KCNIP4: variants seen among roughly 807,000 people sequenced by gnomAD.
KCNIP4 encodes Kv channel-interacting protein 4.
In KCNIP4, 12 loss-of-function variants were observed where a neutral mutation model predicts 34.0. The observed-to-expected ratio is 0.35, with a 90% CI of 0.23 to 0.57. The LOEUF (loss-of-function observed/expected upper bound fraction) is 0.57, where lower values mean the gene tolerates loss of function less well. Ranked by LOEUF, KCNIP4 falls within the 20% of genes least tolerant of loss-of-function variation. The pLI is 0.83. For missense variants in KCNIP4, 238 were observed against 311.7 expected (o/e 0.76, Z 1.78); for synonymous variants, 124 against 102.2 (o/e 1.21, Z -1.29).
At chr4:21,286,329 A>G (rs1055896536) in intron 1 of KCNIP4, among the ~76,000 whole-genome samples, 1 of 152,158 alleles carries the variant, frequency 6.6e-6, no homozygotes, top group African/African-American at 2.4e-5. Flanking sequence ...TGAAGCAACA[A>G]TTGGTTGAGC....
chr4:21,361,191 A>G (rs1719180466), intron 1 of KCNIP4, among the ~76,000 whole-genome samples: 1 of 152,094 alleles, frequency 6.6e-6, no homozygotes, highest in Admixed American at 6.6e-5. Context: ...CACTGGAGTC[A>G]GTTGTCTTGG....
intron 1 of KCNIP4, among the ~76,000 whole-genome samples, chr4:21,820,338 T>C (rs912915003): frequency 7.1e-5 from 10 of 140,740 alleles, no homozygotes; most frequent in African/African-American, 1.9e-4. Flanking sequence ...TATATACACA[T>C]ACACACACAC....
chr4:20,810,331 G>A (rs566394517), intron 3 of KCNIP4, among the ~76,000 whole-genome samples: 2 of 152,068 alleles, frequency 1.3e-5, no homozygotes, highest in Admixed American at 1.3e-4. Context: ...TTCATTTTGA[G>A]ACTTTTCTCT....
At chr4:21,736,728 C>G (rs1314239669) in intron 1 of KCNIP4, among the ~76,000 whole-genome samples, 1 of 152,130 alleles carries the variant, frequency 6.6e-6, no homozygotes, top group Admixed American at 6.5e-5. Context: ...CAGCAAGAAT[C>G]CTATGACATT....
intron 1 of KCNIP4, among the ~76,000 whole-genome samples, chr4:20,987,183 A>T (rs550279780): frequency 6.6e-6 from 1 of 152,264 alleles, no homozygotes; most frequent in Non-Finnish European, 1.5e-5. Context: ...ATAACTTAGG[A>T]GTTTGAGACC....
chr4:21,480,837 T>C (rs922805130), intron 1 of KCNIP4, among the ~76,000 whole-genome samples: 2 of 152,198 alleles, frequency 1.3e-5, no homozygotes, highest in Non-Finnish European at 2.9e-5. Context: ...ATTGTAGAGA[T>C]GTGACTTAGT....
At chr4:21,551,477 A>C (rs1224997644) in intron 1 of KCNIP4, among the ~76,000 whole-genome samples, 1 of 152,124 alleles carries the variant, frequency 6.6e-6, no homozygotes, top group Non-Finnish European at 1.5e-5. Context: ...TGAAGTTGCT[A>C]CAGTTCATAG....
chr4:20,812,957 TCAAA>T (rs1349978396), intron 3 of KCNIP4, among the ~76,000 whole-genome samples: 1 of 151,558 alleles, frequency 6.6e-6, no homozygotes, highest in East Asian at 1.9e-4. Context: ...GTGTGTGTAA[TCAAA>T]CAATAAAGAA....
chr4:21,081,398 C>G (rs1330941703), intron 1 of KCNIP4, among the ~76,000 whole-genome samples: 1 of 151,694 alleles, frequency 6.6e-6, no homozygotes, highest in African/African-American at 2.4e-5. Context: ...AATCTCAAAA[C>G]TTTCATCATG....
At chr4:21,487,040 A>T (rs945070565) in intron 1 of KCNIP4, among the ~76,000 whole-genome samples, 9 of 151,978 alleles carry the variant, frequency 5.9e-5, no homozygotes, top group South Asian at 4.2e-4. Flanking sequence ...AGCTCAAGTG[A>T]TCCTCCCACA....
chr4:20,917,226 G>A (rs1326788372), intron 1 of KCNIP4, among the ~76,000 whole-genome samples: 2 of 151,088 alleles, frequency 1.3e-5, no homozygotes, highest in East Asian at 4.0e-4. Context: ...TTAGTAGAAA[G>A]GAAGTTTCCC....
intron 1 of KCNIP4, among the ~76,000 whole-genome samples, chr4:21,512,326 C>A (rs541482680): frequency 6.6e-6 from 1 of 152,260 alleles, no homozygotes; most frequent in African/African-American, 2.4e-5. Flanking sequence ...GTCATTAAAG[C>A]AATCCTATTG....
rs148157918 is a variant in KCNIP4 at position 21,447,026 on chromosome 4, C to T, written c.61+501545G>A. Among the ~76,000 whole-genome samples the T allele has an allele frequency of 2.2e-3, 327 of 151,688 alleles. 1 individual carries two copies. The highest frequency in any genetic ancestry group is 7.5e-3 in the African/African-American group (312 of 41,344). ...AAAAAAAAAAGAAAAAGAGACTGAA[C>T]ATCAACTGTTATCTGAATTTCTAGC... On this transcript the variant is annotated intron_variant, in intron 1 of 8. Transcript: ENST00000382152.
chr4:20,963,675 G>A (rs1734075946), intron 1 of KCNIP4, among the ~76,000 whole-genome samples: 1 of 152,108 alleles, frequency 6.6e-6, no homozygotes, highest in Non-Finnish European at 1.5e-5. Context: ...ATTTTGTGCA[G>A]TGAAAGAGGA....
intron 2 of KCNIP4, among the ~76,000 whole-genome samples, chr4:20,874,260 C>G (rs1723769329): frequency 6.6e-6 from 1 of 152,136 alleles, no homozygotes. Context: ...GGATTTGAAC[C>G]AAATAGGCTA....
intron 1 of KCNIP4, among the ~76,000 whole-genome samples, chr4:21,925,986 G>A (rs927692928): frequency 1.3e-5 from 2 of 151,972 alleles, no homozygotes; most frequent in African/African-American, 4.8e-5. Context: ...CTTCAGAAAG[G>A]GCATTATCAT....
At chr4:21,437,736 GA>G (rs1219327701) in intron 1 of KCNIP4, among the ~76,000 whole-genome samples, 2 of 152,160 alleles carry the variant, frequency 1.3e-5, no homozygotes, top group East Asian at 3.9e-4. Flanking sequence ...AGATGGTAAA[GA>G]AACCCTAACT....
chr4:21,147,957 A>G (rs546660816), intron 1 of KCNIP4, among the ~76,000 whole-genome samples: 31 of 97,806 alleles, frequency 3.2e-4, no homozygotes, highest in Non-Finnish European at 4.5e-4. Context: ...AAAAAAAAAA[A>G]AAAGAAAAAA....
chr4:21,763,090 A>G (rs1213108612), intron 1 of KCNIP4: 17 of 1,288,630 alleles, frequency 1.3e-5, no homozygotes, highest in Non-Finnish European at 1.4e-5. Flanking sequence ...ACACTCAGGA[A>G]TGCATTCCTA....
Sources: allele counts gnomAD v4.1 joint callset (sites outside exome capture counted in the v4.1 genomes callset), GRCh38; gene constraint gnomAD v4.1.1; transcripts MANE v1.5; gene names NCBI Gene and HGNC (gene_info 2026-07-23, HGNC 2026-07-21).